LRRC41: variants seen among roughly 807,000 people sequenced by gnomAD.
The protein encoded by LRRC41 is leucine-rich repeat-containing protein 41.
LRRC41 carries 17 observed loss-of-function variants against 72.1 expected under a neutral mutation model. The observed-to-expected ratio is 0.24, with a 90% CI of 0.16 to 0.35. The LOEUF is 0.35. Among genes scored for constraint, LRRC41 ranks in the 10% least tolerant of loss-of-function variants. The pLI is 1.00. For missense variants in LRRC41, 759 were observed against 1,065.0 expected (o/e 0.71, Z 4.00); for synonymous variants, 427 against 431.0 (o/e 0.99, Z 0.11).
intron 5 of LRRC41, 62 bp downstream of exon 5, chr1:46,281,063 C>G: frequency 6.3e-7 from 1 of 1,589,258 alleles, no homozygotes; most frequent in Non-Finnish European, 8.6e-7. Context: ...ACGAATGCAT[C>G]TGCACCTTTG....
intron 6 of LRRC41, 29 bp downstream of exon 6, chr1:46,280,367 C>T (rs1308778952): frequency 6.2e-6 from 10 of 1,614,138 alleles, no homozygotes; most frequent in African/African-American, 1.3e-5. Flanking sequence ...ACCTACTCCT[C>T]TCCCTTCACC....
rs779808463 is a variant in LRRC41, at chr1:46,303,209, C to T, written c.114G>A (p.Ser38=). The stretch of plus-strand genomic sequence containing the variant: ...ACAGGGCGGGGGGAGCGTTGGGGCC[C>T]GAGGCCGAGCTCTTCGCTGGCGCCG... ...REAAPAKSSA[S]GPNAPPALFE... is the part of the protein sequence containing the mutation. The change falls in exon 1 of 10, where the codon TCG becomes TCA. Residue 38 remains serine (S), a synonymous_variant. Transcript: ENST00000617190. The T allele has an allele frequency of 7.3e-5, 115 of 1,567,004 alleles. No individual in the cohort carries two copies. Among genetic ancestry groups the T allele is most frequent in the Non-Finnish European group, 9.7e-5 (112 of 1,160,244 alleles).
chr1:46,302,582 C>T lies in LRRC41; in HGVS notation c.199+542G>A. ...ATTCCCTCGCTCTCCAATCTGCTGT[C>T]CTCCCCTCCGCCCATCGGCTTGGCC... On this transcript the variant is annotated intron_variant, in intron 1 of 9. Transcript: ENST00000617190. The surrounding 1 kb of genome is among the most constrained non-coding windows in gnomAD (Gnocchi z 4.7). 2 of 985,272 alleles carry T rather than the reference C, an allele frequency of 2.0e-6. No homozygotes were observed. Among genetic ancestry groups the T allele is most frequent in the Non-Finnish European group, 2.4e-6 (2 of 829,882 alleles). The allele number at this position is 985,272 out of a possible 1,614,324, so 61.0% of individuals were successfully genotyped here.
chr1:46,290,929 T>TG lies in LRRC41; in HGVS notation c.358-4431_358-4430insC, dbSNP rs1485887239. On this transcript the variant is annotated intron_variant, in intron 3 of 9. Transcript: ENST00000617190. ...GGCCTGTTTCTAGTTTTTTTTTTTT[T>TG]TTTTTTTTTTTTTTTAAGACATTCC... Among the ~76,000 whole-genome samples the TG allele has an allele frequency of 2.1e-3, 303 of 146,276 alleles. 1 individual carries two copies. The highest frequency in any genetic ancestry group is 3.3e-3 in the Non-Finnish European group (218 of 66,334).
Position 46,303,317 on chromosome 1 carries a change from C to T in LRRC41, c.6G>A (p.Ala2=). The stretch of plus-strand genomic sequence containing the variant: ...TCCGGGCGCGCCAGGCCTCGGGCGC[C>T]GCCATCTTGGGGAGGTGCGCGAGCC... The part of the protein sequence containing the change: M[A]APEAWRARSC... The change falls in exon 1 of 10, where the codon GCG becomes GCA. Residue 2 remains alanine, a synonymous_variant. Transcript: ENST00000617190. 6.6e-7 allele frequency: 1 copy of T among 1,524,900 alleles called. No individual in the cohort carries two copies. The highest frequency in any genetic ancestry group is 8.8e-7 in the Non-Finnish European group (1 of 1,138,190). The allele number at this position is 1,524,900 out of a possible 1,614,324, so 94.5% of individuals were successfully genotyped here.
At chr1:46,283,008 CAG>C (rs1443317490) in intron 4 of LRRC41, among the ~76,000 whole-genome samples, 5 of 136,176 alleles carry the variant, frequency 3.7e-5, no homozygotes, top group Non-Finnish European at 6.2e-5. Flanking sequence ...TGGGTGACAA[CAG>C]AGACTCCCTG....
At chr1:46,282,076 C>CAA (rs11284020) in intron 4 of LRRC41, among the ~76,000 whole-genome samples, 39 of 118,564 alleles carry the variant, frequency 3.3e-4, no homozygotes, top group African/African-American at 8.0e-4. Flanking sequence ...AAGACTGTCT[C>CAA]AAAAAAAAAA....
intron 3 of LRRC41, among the ~76,000 whole-genome samples, chr1:46,291,392 T>C (rs566562097): frequency 6.6e-6 from 1 of 152,182 alleles, no homozygotes; most frequent in South Asian, 2.1e-4. Flanking sequence ...TGCAGTGCAG[T>C]GGTGAGATCA....
intron 3 of LRRC41, among the ~76,000 whole-genome samples, chr1:46,292,607 GACA>G (rs1386872016): frequency 6.6e-6 from 1 of 152,186 alleles, no homozygotes; most frequent in African/African-American, 2.4e-5. Flanking sequence ...TTTATCATGA[GACA>G]ACATTTTTCA....
chr1:46,281,171 C>T lies in LRRC41; in HGVS notation c.1710G>A (p.Gly570=). The T allele has an allele frequency of 1.9e-6, 3 of 1,614,160 alleles. No individual in the cohort carries two copies. The highest frequency in any genetic ancestry group is 2.5e-6 in the Non-Finnish European group (3 of 1,180,008). ...TTATGTGGCTAGGGGGCCCTGCATT[C>T]CCTGGCACACCAGGGTTGTCCCGCT... ...PSQRDNPGVP[G]NAGPPSHIIG... The change falls in exon 5 of 10, where the codon GGG becomes GGA. Residue 570 remains glycine, a synonymous_variant. Transcript: ENST00000617190.
chr1:46,282,058 G>A (rs1660788594), intron 4 of LRRC41, among the ~76,000 whole-genome samples: 1 of 146,566 alleles, frequency 6.8e-6, no homozygotes, highest in South Asian at 2.1e-4. Context: ...CGGCTTAGGT[G>A]AAAAAGCAAG....
At position 46,278,409 on chromosome 1, in the gene LRRC41, C is replaced by A; in HGVS notation, c.*456G>T. On this transcript the variant is annotated 3_prime_UTR_variant, in exon 10 of 10. Transcript: ENST00000617190. ...ATCAAGAAGGGCTGCATGATGTTTG[C>A]CCAAAATTTATTTTATAAGAAAAAC... The A allele has an allele frequency of 9.0e-7, 1 of 1,114,732 alleles. No individual in the cohort carries two copies. Among genetic ancestry groups the A allele is most frequent in the Non-Finnish European group, 1.3e-6 (1 of 770,882 alleles). The allele number at this position is 1,114,732 out of a possible 1,614,324, so 69.1% of individuals were successfully genotyped here. A position where few individuals can be genotyped will look rare whatever the true frequency, so the allele number is the denominator to read the frequency against.
In LRRC41 at chr1:46,282,360, T is replaced by C. The variant is rs551068859; in HGVS notation, c.1496-975A>G. Among the ~76,000 whole-genome samples the C allele has an allele frequency of 6.6e-5, 10 of 152,312 alleles. No homozygotes were observed. In the South Asian group the frequency reaches 2.1e-3, roughly 32 times the overall value. ...ATGGACTAGGATCCAGGAAGGTTGG[T>C]TGCTTAATGCCACAGGCAAATAATT... On this transcript the variant is annotated intron_variant, in intron 4 of 9. Transcript: ENST00000617190.
intron 3 of LRRC41, among the ~76,000 whole-genome samples, chr1:46,295,895 G>A (rs1195490890): frequency 6.6e-6 from 1 of 152,158 alleles, no homozygotes; most frequent in Non-Finnish European, 1.5e-5. Flanking sequence ...AGGAGATGGG[G>A]TTCAATGTTA....
intron 3 of LRRC41, among the ~76,000 whole-genome samples, chr1:46,293,436 C>T (rs1012750422): frequency 6.6e-5 from 10 of 151,964 alleles, no homozygotes; most frequent in Non-Finnish European, 1.2e-4. Context: ...GACAAGGTGT[C>T]GTCATGTTGC....
In LRRC41 at chr1:46,279,169, T is replaced by C. The variant is rs1660713171; in HGVS notation, c.2219+13A>G. The C allele has an allele frequency of 1.2e-6, 2 of 1,613,702 alleles. No homozygotes were observed. Among genetic ancestry groups the C allele is most frequent in the East Asian group, 4.5e-5 (2 of 44,888 alleles). On this transcript the variant is annotated intron_variant, in intron 9 of 9. Transcript: ENST00000617190. This position sits in a 1 kb window ranked among gnomAD's most constrained non-coding sequence, Gnocchi z 4.5. ...GTAGCCCCATCCCTTGTCTTGCCCC[T>C]CCCCTCATGTACCTGATGTCCAGCT...
Position 46,279,091 on chromosome 1 carries a change from G to A in LRRC41, c.2220-7C>T. On this transcript the variant is annotated splice_polypyrimidine_tract_variant and splice_region_variant and intron_variant, in intron 9 of 9. Coordinates refer to ENST00000617190, the MANE Select transcript of LRRC41 (RefSeq NM_006369.5). This position sits in a 1 kb window ranked among gnomAD's most constrained non-coding sequence, Gnocchi z 4.5. ...TGGCTTGATGCAGTTGGAACTGGTA[G>A]GGTGAGATGGATTAGATATCCAGGA... 1.2e-6 allele frequency: 2 copies of A among 1,609,152 alleles called. No individual in the cohort carries two copies. Among genetic ancestry groups the A allele is most frequent in the South Asian group, 2.2e-5 (2 of 90,522 alleles).
chr1:46,277,912 C>G lies in LRRC41; in HGVS notation c.*953G>C, dbSNP rs1660663926. On this transcript the variant is annotated 3_prime_UTR_variant, in exon 10 of 10. Coordinates refer to ENST00000617190, the MANE Select transcript of LRRC41 (RefSeq NM_006369.5). ...ATGAGGAGCAGGATGTAGAGCGCCA[C>G]TTCTCTCTGGGCGAGTTGAAGGAGC... is the stretch of plus-strand genomic sequence containing the variant. 3 of 1,614,122 alleles carry G rather than the reference C, an allele frequency of 1.9e-6. No individual in the cohort carries two copies. Among genetic ancestry groups the G allele is most frequent in the Non-Finnish European group, 2.5e-6 (3 of 1,180,026 alleles).
chr1:46,278,347 C>A lies in LRRC41; in HGVS notation c.*518G>T. 1 of 1,491,120 alleles carries A rather than the reference C, an allele frequency of 6.7e-7. No individual in the cohort carries two copies. The highest frequency in any genetic ancestry group is 1.2e-5 in the South Asian group (1 of 82,978). The allele number at this position is 1,491,120 out of a possible 1,614,324, so 92.4% of individuals were successfully genotyped here. A position where few individuals can be genotyped will look rare whatever the true frequency, so the allele number is the denominator to read the frequency against. On this transcript the variant is annotated 3_prime_UTR_variant, in exon 10 of 10. Coordinates refer to ENST00000617190, the MANE Select transcript of LRRC41 (RefSeq NM_006369.5). ...TAGGGAAAAGGGGCTCCTTGCTCCACAGGGCCCTGTTGAATTTTGTTCTCT... is the reference window on the plus strand; with the variant it reads ...TAGGGAAAAGGGGCTCCTTGCTCCAAAGGGCCCTGTTGAATTTTGTTCTCT...
Sources: allele counts gnomAD v4.1 joint callset (sites outside exome capture counted in the v4.1 genomes callset), GRCh38; gene constraint gnomAD v4.1.1; non-coding constraint Gnocchi (gnomAD v3.1); transcripts MANE v1.5; gene names NCBI Gene and HGNC (gene_info 2026-07-23, HGNC 2026-07-21).